FGF13: variants seen among roughly 807,000 people sequenced by gnomAD.
FGF13 encodes fibroblast growth factor 13.
In FGF13, 2 loss-of-function variants were observed where a neutral mutation model predicts 19.5. The ratio of observed to expected loss-of-function variants is 0.10; its 90% CI spans 0.04 to 0.32. The LOEUF is 0.32. FGF13 is among the 10% of genes least tolerant of loss of function. The pLI, the probability that FGF13 is intolerant of heterozygous loss-of-function variation, is 1.00. For missense variants in FGF13, 113 were observed against 192.7 expected (o/e 0.59, Z 2.45); for synonymous variants, 72 against 76.9 (o/e 0.94, Z 0.33).
chrX:138,852,738 C>T (rs187017397), downstream of FGF13, among the ~76,000 whole-genome samples: 266 of 111,321 alleles, frequency 2.4e-3, no homozygotes, highest in South Asian at 8.7e-3. Flanking sequence ...TTCTGCACAG[C>T]AAAAGAAACT....
chrX:138,691,281 G>A (rs1278075923), intron 3 of FGF13, among the ~76,000 whole-genome samples: 1 of 111,526 alleles, frequency 9.0e-6, no homozygotes, highest in African/African-American at 3.3e-5. Context: ...GAAGGAGCCC[G>A]GGAATACTTT....
At chrX:138,657,728 C>T (rs73241058) in intron 3 of FGF13, among the ~76,000 whole-genome samples, 3,157 of 111,426 alleles carry the variant, frequency 0.028, 54 homozygotes, top group Non-Finnish European at 0.046. Flanking sequence ...GCCAAAAGGC[C>T]GAGAAGCAAT....
rs191711759 is a variant in FGF13, at chrX:138,947,967, G to A, written c.-112-83317C>T. ...TGAAGACAAAGGAAGAAGTCAAGCCGGCCATCTACAAGCCAAGGAAAGGGG... is the reference window on the plus strand; with the variant it reads ...TGAAGACAAAGGAAGAAGTCAAGCCAGCCATCTACAAGCCAAGGAAAGGGG... On this transcript the variant is annotated intron_variant, in intron 1 of 2. Coordinates refer to the FGF13 transcript ENST00000421460. 1.6e-3 allele frequency among the ~76,000 whole-genome samples: 178 copies of A among 111,480 alleles called. 6 individuals carry two copies. In the Admixed American group the frequency reaches 0.017, roughly 11 times the overall value.
intron 3 of FGF13, among the ~76,000 whole-genome samples, chrX:138,757,711 A>G (rs757266456): frequency 3.8e-4 from 42 of 111,531 alleles, no homozygotes; most frequent in South Asian, 1.5e-3. Flanking sequence ...GAGTGCTACA[A>G]TGAGGGACAG....
At chrX:138,893,828 A>G (rs969208656) in intron 1 of FGF13, among the ~76,000 whole-genome samples, 51 of 111,288 alleles carry the variant, frequency 4.6e-4, no homozygotes, top group African/African-American at 1.6e-3. Flanking sequence ...ACAGACTCAC[A>G]ATTGTAATGC....
intron 3 of FGF13, among the ~76,000 whole-genome samples, chrX:138,686,003 G>A (rs1602699440): frequency 9.1e-6 from 1 of 109,684 alleles, no homozygotes; most frequent in Non-Finnish European, 1.9e-5. Flanking sequence ...GCAAATAAAC[G>A]TTCAATAAAA....
chrX:139,193,515 G>A (rs1222674724), intron 1 of FGF13, among the ~76,000 whole-genome samples: 1 of 111,458 alleles, frequency 9.0e-6, no homozygotes, highest in Non-Finnish European at 1.9e-5. Flanking sequence ...ACCCAAAGTA[G>A]CCCATGGAGA....
intron 1 of FGF13, among the ~76,000 whole-genome samples, chrX:139,064,291 T>C (rs1296869480): frequency 4.2e-5 from 2 of 47,703 alleles, no homozygotes; most frequent in Non-Finnish European, 7.2e-5. Flanking sequence ...CTTTTTTTTT[T>C]TTTTTTTTTT....
intron 3 of FGF13, among the ~76,000 whole-genome samples, chrX:138,798,579 T>A (rs2090799164): frequency 8.9e-6 from 1 of 112,087 alleles, no homozygotes; most frequent in Admixed American, 9.4e-5. Flanking sequence ...GCTGGCCTCA[T>A]AAAATGAGTT....
At chrX:138,832,729 C>A (rs1458540516) in intron 3 of FGF13, among the ~76,000 whole-genome samples, 2 of 112,209 alleles carry the variant, frequency 1.8e-5, no homozygotes, top group Non-Finnish European at 3.8e-5. Context: ...ATAATAAAAT[C>A]TTTGCCCATG....
chrX:139,204,764 C>A (rs1193906876), upstream of FGF13, among the ~76,000 whole-genome samples: 1 of 113,112 alleles, frequency 8.8e-6, no homozygotes, highest in African/African-American at 3.2e-5. Flanking sequence ...CCTGTTACAC[C>A]GCAGAGTCGC....
intron 3 of FGF13, among the ~76,000 whole-genome samples, chrX:138,766,140 C>T (rs2090500740): frequency 1.8e-5 from 2 of 112,395 alleles, no homozygotes; most frequent in African/African-American, 6.5e-5. Context: ...GACACCAATA[C>T]TTACATTTTT....
rs989206174 is a variant in FGF13, at chrX:138,630,773, A to T, written c.*2077T>A. On this transcript the variant is annotated 3_prime_UTR_variant, in exon 5 of 5. Transcript: ENST00000315930. ...CAATTCTTCCCTCCATATACAGATG[A>T]TCCTTCACTTACGATGGGGGTCACA... 3 of 111,728 alleles carry T rather than the reference A, an allele frequency of 2.7e-5. No homozygotes were observed. Among genetic ancestry groups the T allele is most frequent in the Non-Finnish European group, 5.6e-5 (3 of 53,191 alleles). 9.2% of individuals were successfully genotyped at this position (111,728 alleles called of 1,213,427 possible).
intron 1 of FGF13, among the ~76,000 whole-genome samples, chrX:139,167,294 A>G (rs2084094534): frequency 8.9e-6 from 1 of 111,752 alleles, no homozygotes. Flanking sequence ...GTATAGGAAC[A>G]TTTGATAAAT....
At chrX:138,812,821 T>C (rs2090936159) in intron 3 of FGF13, among the ~76,000 whole-genome samples, 1 of 110,879 alleles carries the variant, frequency 9.0e-6, no homozygotes, top group South Asian at 3.9e-4. Context: ...GCTGTACCTA[T>C]TGACCCGTCT....
intron 3 of FGF13, among the ~76,000 whole-genome samples, chrX:138,756,495 C>G (rs1257172721): frequency 8.9e-6 from 1 of 112,707 alleles, no homozygotes; most frequent in Non-Finnish European, 1.9e-5. Context: ...TCAGGCAGGA[C>G]AGCTGCCTTT....
intron 1 of FGF13, among the ~76,000 whole-genome samples, chrX:139,090,970 T>G (rs925014907): frequency 6.0e-5 from 6 of 99,522 alleles, no homozygotes; most frequent in African/African-American, 1.9e-4. Context: ...AAAAAGACTG[T>G]GTACAGTGTA....
At chrX:138,754,254 G>A (rs2090417650) in intron 3 of FGF13, among the ~76,000 whole-genome samples, 1 of 111,641 alleles carries the variant, frequency 9.0e-6, no homozygotes, top group Non-Finnish European at 1.9e-5. Context: ...CATATAAAGT[G>A]CACTAAAATG....
intron 1 of FGF13, among the ~76,000 whole-genome samples, chrX:138,896,560 A>T (rs147715075): frequency 0.015 from 1,673 of 111,604 alleles, 22 homozygotes; most frequent in African/African-American, 0.05. Flanking sequence ...CCGACTTCTT[A>T]TAAGATATAT....
Sources: gnomAD v4.1 joint callset for allele counts (sites outside exome capture counted in the v4.1 genomes callset) on GRCh38, gnomAD v4.1.1 for gene constraint, MANE v1.5 for transcripts, NCBI Gene and HGNC (gene_info 2026-07-23, HGNC 2026-07-21) for gene names.